The following ARL15 variants were observed in gnomAD, a reference collection of about 807,000 sequenced individuals.
The protein encoded by ARL15 is ARF like GTPase 15.
In ARL15, 19 loss-of-function variants were observed where a neutral mutation model predicts 25.2. The observed-to-expected ratio is 0.75, with a 90% CI of 0.53 to 1.10. The LOEUF (loss-of-function observed/expected upper bound fraction) is 1.10, where lower values mean the gene tolerates loss of function less well. Ranked by LOEUF, ARL15 falls within the 50% of genes least tolerant of loss-of-function variation. The pLI, the probability that ARL15 is intolerant of heterozygous loss-of-function variation, is 0.00. For missense variants in ARL15, 220 were observed against 246.0 expected (o/e 0.89, Z 0.71); for synonymous variants, 94 against 86.8 (o/e 1.08, Z -0.46).
chr5:54,280,974 G>GA (rs1254774552), intron 1 of ARL15, among the ~76,000 whole-genome samples: 3,592 of 130,416 alleles, frequency 0.028, 69 homozygotes, highest in African/African-American at 0.046. Context: ...CAGGCTGGTG[G>GA]AAAAAAAAAA....
chr5:53,993,100 T>C (rs1748559444), intron 4 of ARL15, among the ~76,000 whole-genome samples: 1 of 144,748 alleles, frequency 6.9e-6, no homozygotes, highest in African/African-American at 2.6e-5. Context: ...AAAAAAGATA[T>C]TAAAAGCACT....
At chr5:54,280,617 C>G (rs1758030085) in intron 1 of ARL15, among the ~76,000 whole-genome samples, 1 of 152,236 alleles carries the variant, frequency 6.6e-6, no homozygotes, top group South Asian at 2.1e-4. Context: ...ACAAGCTGCA[C>G]TCCTATCTTT....
chr5:53,959,773 T>C (rs1747300352), intron 4 of ARL15, among the ~76,000 whole-genome samples: 1 of 152,114 alleles, frequency 6.6e-6, no homozygotes, highest in South Asian at 2.1e-4. Context: ...GCATTCCTCC[T>C]CCCTCCTCAC....
chr5:53,910,132 C>T (rs1455709216), intron 4 of ARL15, among the ~76,000 whole-genome samples: 1 of 152,142 alleles, frequency 6.6e-6, no homozygotes, highest in Non-Finnish European at 1.5e-5. Flanking sequence ...AACAACTGCC[C>T]ACAGGGCTGC....
chr5:54,090,751 T>C (rs1752104123), intron 4 of ARL15, among the ~76,000 whole-genome samples: 2 of 152,064 alleles, frequency 1.3e-5, no homozygotes, highest in Admixed American at 6.6e-5. Flanking sequence ...TATAAAATCC[T>C]TGGAATGCTA....
At chr5:54,109,497 C>T (rs1752681288) in intron 4 of ARL15, among the ~76,000 whole-genome samples, 1 of 151,940 alleles carries the variant, frequency 6.6e-6, no homozygotes. Flanking sequence ...GTAAAAGAAT[C>T]ACAATCAGCA....
intron 4 of ARL15, among the ~76,000 whole-genome samples, chr5:53,977,274 T>G (rs1191467691): frequency 6.8e-6 from 1 of 147,116 alleles, no homozygotes; most frequent in East Asian, 2.0e-4. Context: ...GAGAATGGCG[T>G]GAACCCGGGA....
chr5:54,157,452 C>A (rs1458621399), intron 2 of ARL15, among the ~76,000 whole-genome samples: 1 of 152,140 alleles, frequency 6.6e-6, no homozygotes, highest in African/African-American at 2.4e-5. Context: ...CGCTCTGTCA[C>A]CCAGGCTGGG....
chr5:53,912,558 C>T (rs10077199), intron 4 of ARL15, among the ~76,000 whole-genome samples: 52,920 of 152,022 alleles, frequency 0.35, 9,818 homozygotes, highest in Non-Finnish European at 0.41. Flanking sequence ...GCATTTCAAA[C>T]CACAGAATCC....
chr5:54,208,395 T>A (rs1755932143), intron 1 of ARL15, among the ~76,000 whole-genome samples: 1 of 151,926 alleles, frequency 6.6e-6, no homozygotes, highest in Non-Finnish European at 1.5e-5. Flanking sequence ...CATATATACA[T>A]GCACATGCGC....
intron 4 of ARL15, among the ~76,000 whole-genome samples, chr5:53,987,719 G>C (rs1389602964): frequency 6.6e-6 from 1 of 152,210 alleles, no homozygotes. Flanking sequence ...GGGAGGCCAA[G>C]GTGGGAGGAT....
At chr5:53,951,754 T>C (rs1746971918) in intron 4 of ARL15, among the ~76,000 whole-genome samples, 1 of 152,062 alleles carries the variant, frequency 6.6e-6, no homozygotes, top group Non-Finnish European at 1.5e-5. Flanking sequence ...TTTTCAAGCA[T>C]TATGCTTTAT....
At chr5:54,309,637 G>A (rs1008116555) in intron 1 of ARL15, among the ~76,000 whole-genome samples, 3 of 152,178 alleles carry the variant, frequency 2.0e-5, no homozygotes, top group Non-Finnish European at 4.4e-5. Flanking sequence ...ACGCAAACAA[G>A]CAACTCTGGG....
chr5:53,966,041 G>T (rs981224407), intron 4 of ARL15, among the ~76,000 whole-genome samples: 1 of 152,008 alleles, frequency 6.6e-6, no homozygotes, highest in Non-Finnish European at 1.5e-5. Context: ...TCTCCAAAAG[G>T]CTGTCTTTTT....
At chr5:54,081,083 C>T (rs891560482) in intron 4 of ARL15, among the ~76,000 whole-genome samples, 2 of 152,108 alleles carry the variant, frequency 1.3e-5, no homozygotes, top group Non-Finnish European at 2.9e-5. Context: ...ACCCTATCTC[C>T]AAATATAGTC....
intron 1 of ARL15, among the ~76,000 whole-genome samples, chr5:54,287,116 G>A (rs755581919): frequency 4.6e-5 from 7 of 152,090 alleles, no homozygotes; most frequent in African/African-American, 7.2e-5. Flanking sequence ...CTGGGCTCCA[G>A]TGATCCTCCC....
chr5:53,956,590 C>T (rs1431597000), intron 4 of ARL15, among the ~76,000 whole-genome samples: 1 of 151,480 alleles, frequency 6.6e-6, no homozygotes, highest in Non-Finnish European at 1.5e-5. Context: ...CTTACATATG[C>T]CCACAGTACT....
chr5:54,069,400 G>A (rs369887630), intron 4 of ARL15, among the ~76,000 whole-genome samples: 7 of 151,730 alleles, frequency 4.6e-5, no homozygotes, highest in Admixed American at 2.6e-4. Context: ...GCGAAACCCC[G>A]TCTCTACTAA....
At chr5:54,156,745 G>T (rs1242077447) in intron 2 of ARL15, among the ~76,000 whole-genome samples, 1 of 152,158 alleles carries the variant, frequency 6.6e-6, no homozygotes, top group Non-Finnish European at 1.5e-5. Context: ...AATGCAGATT[G>T]ACACAGTCAG....
Sources: allele counts gnomAD v4.1 joint callset (sites outside exome capture counted in the v4.1 genomes callset), GRCh38; gene constraint gnomAD v4.1.1; transcripts MANE v1.5; gene names NCBI Gene and HGNC (gene_info 2026-07-23, HGNC 2026-07-21).